TMEM50B: variants seen among roughly 807,000 people sequenced by gnomAD.
TMEM50B encodes HCV p7-trans-regulated protein 3.
Under a neutral mutation model 23.4 loss-of-function variants are expected in TMEM50B, and 14 were observed. That is an observed-to-expected ratio of 0.60 (90% CI 0.39 to 0.93). TMEM50B has a LOEUF of 0.93. Among genes scored for constraint, TMEM50B ranks in the 40% least tolerant of loss-of-function variants. TMEM50B has a pLI of 0.00. For missense variants in TMEM50B, 159 were observed against 193.0 expected (o/e 0.82, Z 1.04); for synonymous variants, 64 against 62.3 (o/e 1.03, Z -0.13).
chr21:33,445,942 G>C (rs1446126691), downstream of TMEM50B, among the ~76,000 whole-genome samples: 1 of 152,150 alleles, frequency 6.6e-6, no homozygotes, highest in African/African-American at 2.4e-5. Flanking sequence ...CCAGAATAAG[G>C]GAATAAGGGA....
intron 6 of TMEM50B, among the ~76,000 whole-genome samples, chr21:33,452,937 A>T (rs753881268): frequency 6.6e-6 from 1 of 152,188 alleles, no homozygotes; most frequent in Non-Finnish European, 1.5e-5. Flanking sequence ...TTAAGGGAAG[A>T]CATCAGAAAT....
intron 4 of TMEM50B, among the ~76,000 whole-genome samples, chr21:33,463,076 G>A (rs562103299): frequency 3.5e-4 from 53 of 152,314 alleles, no homozygotes; most frequent in African/African-American, 1.2e-3. Context: ...TGCATCACCT[G>A]AGGTCAGGAG....
intron 1 of TMEM50B, chr21:33,479,175 C>G (rs1373409942): frequency 5.3e-6 from 1 of 188,268 alleles, no homozygotes. Context: ...GGCTAAAAAC[C>G]GAAACGGTCC....
intron 7 of TMEM50B, among the ~76,000 whole-genome samples, chr21:33,441,831 A>C (rs1280019807): frequency 6.6e-6 from 1 of 152,080 alleles, no homozygotes; most frequent in Non-Finnish European, 1.5e-5. Flanking sequence ...GGATTTTGCC[A>C]TGTTGCCCAG....
chr21:33,464,804 C>CAAAAAAAAAAAAAAAAAAAAA (rs59855166), intron 4 of TMEM50B, among the ~76,000 whole-genome samples: 249 of 100,810 alleles, frequency 2.5e-3, no homozygotes, highest in Admixed American at 3.6e-3. Context: ...AACTCCGTCT[C>CAAAAAAAAAAAAAAAAAAAAA]AAAAAAAAAA....
At chr21:33,465,200 ACTAAAACTT>A in intron 4 of TMEM50B, 133 bp downstream of exon 4, 1 of 568,756 alleles carries the variant, frequency 1.8e-6, no homozygotes, top group East Asian at 3.0e-5. Context: ...TTTGAATAAC[ACTAAAACTT>A]TGTTTTAAAG....
At chr21:33,466,941 G>C (rs1226901764) in intron 3 of TMEM50B, 69 bp downstream of exon 3, 21 of 1,200,244 alleles carry the variant, frequency 1.7e-5, no homozygotes, top group Non-Finnish European at 2.4e-5. Context: ...ATTCAAGAAA[G>C]CACTGCACAT....
At position 33,436,955 on chromosome 21, in the gene TMEM50B, C is replaced by T. The variant is rs763384272; in HGVS notation, c.*2120+2259G>A. On this transcript the variant is annotated intron_variant and NMD_transcript_variant, in intron 8 of 8. Transcript: ENST00000420455. ...AAGGAGCAAGAAGATGTTCTCCAAA[C>T]GCTTTGAACCAAAGCATGGGCCTAG... 3.2e-5 allele frequency: 51 copies of T among 1,613,844 alleles called. No homozygotes were observed. Among genetic ancestry groups the T allele is most frequent in the African/African-American group, 4.0e-5 (3 of 74,888 alleles).
chr21:33,459,059 G>C (rs1410929853), intron 5 of TMEM50B, among the ~76,000 whole-genome samples: 3 of 152,172 alleles, frequency 2.0e-5, no homozygotes, highest in African/African-American at 7.2e-5. Context: ...AGCAAAGAAG[G>C]CTGACAAAGA....
chr21:33,458,378 G>A (rs1372392320), intron 5 of TMEM50B, among the ~76,000 whole-genome samples: 2 of 152,180 alleles, frequency 1.3e-5, no homozygotes, highest in Non-Finnish European at 2.9e-5. Flanking sequence ...TCTGGGCGTG[G>A]TGGCATGCAC....
At chr21:33,448,997 C>G (rs115473957), downstream of TMEM50B, 77 of 151,980 alleles carry the variant, frequency 5.1e-4, 1 homozygote, top group African/African-American at 1.8e-3. Context: ...CTTCAATAAC[C>G]CTCACATAAG....
Position 33,467,134 on chromosome 21 carries a change from G to A in TMEM50B, c.100-12C>T. 1 of 1,604,212 alleles carries A rather than the reference G, an allele frequency of 6.2e-7. No individual in the cohort carries two copies. The highest frequency in any genetic ancestry group is 8.5e-7 in the Non-Finnish European group (1 of 1,171,536). On this transcript the variant is annotated splice_polypyrimidine_tract_variant and intron_variant, in intron 2 of 6. Transcript: ENST00000542230. ...CAGCCTGTAAAAAACTTAAAACACA[G>A]CCCAAGTCACTGAAACATTAAAACT...
At chr21:33,437,663 G>A (rs768008225) in intron 8 of TMEM50B, 3 of 152,356 alleles carry the variant, frequency 2.0e-5, no homozygotes, top group Non-Finnish European at 4.4e-5. Context: ...ACTTCCTATG[G>A]ATGTCACTTG....
intron 1 of TMEM50B, among the ~76,000 whole-genome samples, chr21:33,477,759 C>T (rs1458499884): frequency 6.6e-6 from 1 of 151,674 alleles, no homozygotes; most frequent in Non-Finnish European, 1.5e-5. Context: ...TGCAGTGAGC[C>T]ACGATAGCGC....
chr21:33,464,804 C>CAAAAAAAAAAAAAAAAAAAAAAAAAAAAA (rs59855166), intron 4 of TMEM50B, among the ~76,000 whole-genome samples: 19 of 100,896 alleles, frequency 1.9e-4, no homozygotes, highest in Non-Finnish European at 3.3e-4. Context: ...AACTCCGTCT[C>CAAAAAAAAAAAAAAAAAAAAAAAAAAAAA]AAAAAAAAAA....
intron 4 of TMEM50B, among the ~76,000 whole-genome samples, chr21:33,464,811 A>AAAAAAAAAAAAAAC (rs2084250711): frequency 3.3e-5 from 1 of 30,144 alleles, no homozygotes; most frequent in Non-Finnish European, 5.0e-5. Flanking sequence ...TCTCAAAAAA[A>AAAAAAAAAAAAAAC]AAAAAAAAAA....
At chr21:33,441,676 C>G (rs1437720760) in intron 7 of TMEM50B, among the ~76,000 whole-genome samples, 1 of 152,136 alleles carries the variant, frequency 6.6e-6, no homozygotes, top group Non-Finnish European at 1.5e-5. Context: ...GTCACCCAAG[C>G]TGGAGGGCAG....
In TMEM50B at chr21:33,474,471, T is replaced by C. The variant is rs370682882; in HGVS notation, c.-42+5367A>G. ...TCAAGCTGAAAGGAATGATACCCGA[T>C]GAAACTGAGACCTACAAGAAAAACT... On this transcript the variant is annotated intron_variant, in intron 1 of 6. Coordinates refer to ENST00000542230, the MANE Select transcript of TMEM50B (RefSeq NM_006134.7). 2.0e-5 allele frequency among the ~76,000 whole-genome samples: 3 copies of C among 151,132 alleles called. No homozygotes were observed. In the East Asian group the frequency reaches 5.9e-4, roughly 30 times the overall value.
chr21:33,450,562 A>T lies in TMEM50B; in HGVS notation c.*256T>A, dbSNP rs2084109944. On this transcript the variant is annotated 3_prime_UTR_variant, in exon 7 of 7. Coordinates refer to ENST00000542230, the MANE Select transcript of TMEM50B (RefSeq NM_006134.7). The stretch of plus-strand genomic sequence containing the variant: ...TAACCCTGGCTCAGGGAGTAGATCA[A>T]GTTCTAAATCTCAGGAATAAAAAAC... 2.9e-6 allele frequency: 1 copy of T among 346,008 alleles called. No individual in the cohort carries two copies. Among genetic ancestry groups the T allele is most frequent in the Non-Finnish European group, 5.3e-6 (1 of 190,290 alleles). The allele number at this position is 346,008 out of a possible 1,614,324, so 21.4% of individuals were successfully genotyped here.
Sources: allele counts gnomAD v4.1 joint callset (sites outside exome capture counted in the v4.1 genomes callset), GRCh38; gene constraint gnomAD v4.1.1; transcripts MANE v1.5; gene names NCBI Gene and HGNC (gene_info 2026-07-23, HGNC 2026-07-21).